Variants in SORCS2 observed in about 807,000 individuals in gnomAD.
SORCS2 encodes the protein sortilin related VPS10 domain containing receptor 2.
Under a neutral mutation model 141.6 loss-of-function variants are expected in SORCS2, and 100 were observed. That is an observed-to-expected ratio of 0.71 (90% CI 0.60 to 0.83). The LOEUF (loss-of-function observed/expected upper bound fraction) is 0.83. Ranked by LOEUF, SORCS2 falls within the 40% of genes least tolerant of loss-of-function variation. The pLI is 0.00. For synonymous variants in SORCS2, 789 were observed against 676.9 expected (o/e 1.17, Z -2.57); for missense variants, 1,646 against 1,560.2 (o/e 1.05, Z -0.93).
At position 7,711,577 on chromosome 4, in the gene SORCS2, G is replaced by A. The variant is rs145953605; in HGVS notation, c.1869-1156G>A. ...TCTGGGTGGTCTTTGGAGCCTAAGT[G>A]TGTGGTACTGAGGGATGGAGTGGAA... is the stretch of plus-strand genomic sequence containing the variant. On this transcript the variant is annotated intron_variant, in intron 14 of 26. Transcript: ENST00000507866. 1.2e-4 allele frequency among the ~76,000 whole-genome samples: 19 copies of A among 152,322 alleles called. No homozygotes were observed. In the East Asian group the frequency reaches 3.1e-3, roughly 25 times the overall value.
intron 1 of SORCS2, among the ~76,000 whole-genome samples, chr4:7,366,666 A>C (rs1315848638): frequency 2.6e-5 from 4 of 151,124 alleles, no homozygotes; most frequent in Non-Finnish European, 5.9e-5. Flanking sequence ...CCTTGTCACC[A>C]CTTCTGGGAG....
chr4:7,617,957 G>A (rs748322355), intron 3 of SORCS2, among the ~76,000 whole-genome samples: 50 of 152,042 alleles, frequency 3.3e-4, no homozygotes, highest in African/African-American at 9.4e-4. Context: ...CCATCCCTCC[G>A]TTTTTCCCTC....
chr4:7,334,217 C>A (rs1719844188), intron 1 of SORCS2, among the ~76,000 whole-genome samples: 1 of 152,148 alleles, frequency 6.6e-6, no homozygotes, highest in South Asian at 2.1e-4. Context: ...GGCAGTGAGG[C>A]TCTCCCCAAA....
At chr4:7,589,356 G>A (rs1009648239) in intron 3 of SORCS2, among the ~76,000 whole-genome samples, 2 of 151,894 alleles carry the variant, frequency 1.3e-5, no homozygotes, top group African/African-American at 2.4e-5. Context: ...TGAGAATAAC[G>A]ACCTTTATAG....
chr4:7,682,043 G>A (rs890468710), intron 9 of SORCS2, among the ~76,000 whole-genome samples: 17 of 152,130 alleles, frequency 1.1e-4, no homozygotes, highest in Non-Finnish European at 1.5e-5. Context: ...ACCCTCTCTG[G>A]GAGCAAACCA....
At chr4:7,513,052 G>A (rs986133726) in intron 2 of SORCS2, among the ~76,000 whole-genome samples, 1 of 152,072 alleles carries the variant, frequency 6.6e-6, no homozygotes, top group East Asian at 1.9e-4. Context: ...CCTTCTCTGA[G>A]GGCAGAAGGA....
chr4:7,614,206 A>G (rs940401415), intron 3 of SORCS2, among the ~76,000 whole-genome samples: 3 of 149,898 alleles, frequency 2.0e-5, no homozygotes, highest in Admixed American at 2.0e-4. Flanking sequence ...CCACCTATTC[A>G]TCCACCTATT....
At chr4:7,704,801 G>A (rs145484806) in intron 14 of SORCS2, among the ~76,000 whole-genome samples, 157 of 152,330 alleles carry the variant, frequency 1.0e-3, no homozygotes, top group African/African-American at 3.7e-3. Context: ...GCACCGCTGC[G>A]GCCGCAATGG....
intron 1 of SORCS2, among the ~76,000 whole-genome samples, chr4:7,319,124 T>G (rs1718744080): frequency 6.6e-6 from 1 of 152,258 alleles, no homozygotes; most frequent in African/African-American, 2.4e-5. Flanking sequence ...AGTTTGTATT[T>G]TCATATTCAG....
At chr4:7,244,377 A>G (rs1226330749) in intron 1 of SORCS2, among the ~76,000 whole-genome samples, 1 of 152,250 alleles carries the variant, frequency 6.6e-6, no homozygotes, top group Admixed American at 6.5e-5. Context: ...TATTCCCCGC[A>G]GATGCCAGCC....
chr4:7,547,086 A>G (rs1713319201), intron 3 of SORCS2, among the ~76,000 whole-genome samples: 1 of 152,170 alleles, frequency 6.6e-6, no homozygotes, highest in African/African-American at 2.4e-5. Flanking sequence ...AAATCCACTC[A>G]TCCCCAGGCT....
intron 1 of SORCS2, among the ~76,000 whole-genome samples, chr4:7,197,569 T>C (rs1368162075): frequency 6.6e-6 from 1 of 152,086 alleles, no homozygotes; most frequent in African/African-American, 2.4e-5. Context: ...AGGTGGAGTG[T>C]ATAGGAGATG....
chr4:7,368,939 C>G (rs1722079114), intron 1 of SORCS2, among the ~76,000 whole-genome samples: 1 of 152,136 alleles, frequency 6.6e-6, no homozygotes, highest in Non-Finnish European at 1.5e-5. Context: ...ACGTGCTCTT[C>G]TCTGTGTGCA....
rs1035094248 is a variant in SORCS2 at position 7,736,410 on chromosome 4, T to C, written c.3312-659T>C. 5.3e-5 allele frequency among the ~76,000 whole-genome samples: 8 copies of C among 152,346 alleles called. No homozygotes were observed. The South Asian group carries it at 1.7e-3, about 32-fold the overall frequency. ...AATGTTTCCAGAGGGCTGGCGATGT[T>C]CATCAGCTGCATCTGAGAAAGCCCC... On this transcript the variant is annotated intron_variant, in intron 25 of 26. Coordinates refer to ENST00000507866, the MANE Select transcript of SORCS2 (RefSeq NM_020777.3).
At chr4:7,721,415 A>C (rs1726582673) in intron 18 of SORCS2, among the ~76,000 whole-genome samples, 1 of 152,160 alleles carries the variant, frequency 6.6e-6, no homozygotes, top group Admixed American at 6.5e-5. Context: ...GCAGTGAGCC[A>C]AGATCCCACC....
Position 7,640,044 on chromosome 4 carries a change from TGA to T in SORCS2, c.813+1556_813+1557del, listed in dbSNP as rs1281132430. Among the ~76,000 whole-genome samples the T allele has an allele frequency of 2.2e-3, 284 of 130,342 alleles. 2 individuals are homozygous for T. Among genetic ancestry groups the T allele is most frequent in the East Asian group, 0.015 (13 of 866 alleles). The allele number at this position is 130,342 out of a possible 152,430, so 85.5% of individuals were successfully genotyped here. A position where few individuals can be genotyped will look rare whatever the true frequency, so the allele number is the denominator to read the frequency against. On this transcript the variant is annotated intron_variant, in intron 4 of 26. Transcript: ENST00000507866. ...GAGTGTGTACGTGAGTGTGCATGTG[TGA>T]GAGTGTGAGTGTGTGTGTTTATGAG...
chr4:7,434,222 G>A (rs1211240419), intron 2 of SORCS2: 1 of 1,613,602 alleles, frequency 6.2e-7, no homozygotes, highest in East Asian at 2.2e-5. Flanking sequence ...AGGACGGCCA[G>A]GCCAGGCCCC....
At chr4:7,295,144 C>T (rs865965107) in intron 1 of SORCS2, among the ~76,000 whole-genome samples, 1 of 39,110 alleles carries the variant, frequency 2.6e-5, no homozygotes, top group African/African-American at 1.3e-4. Flanking sequence ...CCCTCCTCCT[C>T]TCCCTCCTCC....
intron 14 of SORCS2, among the ~76,000 whole-genome samples, chr4:7,705,688 T>A (rs1483988504): frequency 6.6e-6 from 1 of 152,208 alleles, no homozygotes; most frequent in Non-Finnish European, 1.5e-5. Flanking sequence ...CAGCAGGAAG[T>A]GCTGGCCTGG....
Sources: allele counts gnomAD v4.1 joint callset (sites outside exome capture counted in the v4.1 genomes callset), GRCh38; gene constraint gnomAD v4.1.1; transcripts MANE v1.5; gene names NCBI Gene and HGNC (gene_info 2026-07-23, HGNC 2026-07-21).